Variants in GREB1L observed in about 807,000 individuals in gnomAD.
The protein encoded by GREB1L is GREB1-like protein.
Under a neutral mutation model 200.8 loss-of-function variants are expected in GREB1L, and 17 were observed. The observed-to-expected ratio is 0.08, with a 90% CI of 0.06 to 0.13. The LOEUF (loss-of-function observed/expected upper bound fraction) is 0.13. Ranked by LOEUF, GREB1L falls within the 10% of genes least tolerant of loss-of-function variation. GREB1L has a pLI of 1.00. For missense variants in GREB1L, 1,657 were observed against 2,367.7 expected (o/e 0.70, Z 6.23); for synonymous variants, 789 against 893.0 (o/e 0.88, Z 2.08).
chr18:21,369,168 T>A (rs1020357490), intron 2 of GREB1L, among the ~76,000 whole-genome samples: 1 of 152,222 alleles, frequency 6.6e-6, no homozygotes, highest in African/African-American at 2.4e-5. Flanking sequence ...TATGCAGATT[T>A]TAATGATTGT....
At chr18:21,272,654 C>T (rs1368854520) in intron 1 of GREB1L, among the ~76,000 whole-genome samples, 1 of 152,200 alleles carries the variant, frequency 6.6e-6, no homozygotes, top group Non-Finnish European at 1.5e-5. Context: ...CAATAAGCAG[C>T]TCACTGCATT....
intron 2 of GREB1L, among the ~76,000 whole-genome samples, chr18:21,370,201 A>G (rs2039822929): frequency 1.3e-5 from 2 of 152,150 alleles, no homozygotes; most frequent in Admixed American, 1.3e-4. Context: ...ATAATTGGAT[A>G]AGACACAAAA....
At chr18:21,520,936 C>G in intron 32 of GREB1L, 113 bp downstream of exon 32, 1 of 850,520 alleles carries the variant, frequency 1.2e-6, no homozygotes, top group South Asian at 1.9e-5. Context: ...TGGCTCAACG[C>G]CTGTAATCTC....
chr18:21,451,120 C>T lies in GREB1L; in HGVS notation c.1818C>T (p.Phe606=), dbSNP rs553230848. 6.4e-7 allele frequency: 1 copy of T among 1,551,678 alleles called. No homozygotes were observed. Among genetic ancestry groups the T allele is most frequent in the South Asian group, 1.2e-5 (1 of 84,048 alleles). The change falls in exon 13 of 33, where the codon TTC becomes TTT. Residue 606 remains phenylalanine, a synonymous_variant. Transcript: ENST00000424526. ...SYELITGKVS[F]LASHFKTTSL... ...AGCTTATCACAGGAAAGGTCAGTTT[C>T]CTGGCATCACATTTCAAAACCACAT...
chr18:21,493,893 A>AAAAAG (rs2036441683), intron 19 of GREB1L, among the ~76,000 whole-genome samples: 1 of 146,736 alleles, frequency 6.8e-6, no homozygotes, highest in Non-Finnish European at 1.5e-5. Flanking sequence ...AAAAAAAAAA[A>AAAAAG]GTCCTCATAC....
chr18:21,282,978 A>G (rs1452800846), intron 1 of GREB1L, among the ~76,000 whole-genome samples: 6 of 152,196 alleles, frequency 3.9e-5, no homozygotes, highest in South Asian at 2.1e-4. Flanking sequence ...CTATTTTTCT[A>G]TGAGCATTTT....
intron 2 of GREB1L, among the ~76,000 whole-genome samples, chr18:21,378,097 A>T (rs1229643060): frequency 2.0e-5 from 3 of 152,176 alleles, no homozygotes; most frequent in Non-Finnish European, 4.4e-5. Flanking sequence ...CTTCTGCCTG[A>T]AGTCAAATTT....
chr18:21,459,279 C>CTTTTTTT (rs746568414), intron 15 of GREB1L, among the ~76,000 whole-genome samples: 12 of 85,918 alleles, frequency 1.4e-4, no homozygotes, highest in East Asian at 3.8e-4. Context: ...TTTTTCTTTA[C>CTTTTTTT]TTTTTTTTTT....
intron 1 of GREB1L, among the ~76,000 whole-genome samples, chr18:21,286,625 C>A (rs566309567): frequency 1.2e-4 from 19 of 152,258 alleles, no homozygotes; most frequent in African/African-American, 3.6e-4. Context: ...CAGCACTTTA[C>A]ATATATAATC....
rs2035550869 is a variant in GREB1L at position 21,473,218 on chromosome 18, G to T, written c.2363+7G>T. On this transcript the variant is annotated splice_region_variant and intron_variant, in intron 16 of 32. Transcript: ENST00000424526. ...CCCATGTGGAACTAACGAGGTGATT[G>T]GTTCAGAGTGAGCAAATGGAGTCTC... 2.0e-6 allele frequency: 3 copies of T among 1,482,126 alleles called. No individual in the cohort carries two copies. Among genetic ancestry groups the T allele is most frequent in the Non-Finnish European group, 1.8e-6 (2 of 1,109,664 alleles). 91.8% of individuals were successfully genotyped at this position (1,482,126 alleles called of 1,614,324 possible). A position where few individuals can be genotyped will look rare whatever the true frequency, so the allele number is the denominator to read the frequency against.
chr18:21,332,535 C>T (rs1183240878), intron 1 of GREB1L, among the ~76,000 whole-genome samples: 2 of 152,068 alleles, frequency 1.3e-5, no homozygotes, highest in East Asian at 3.9e-4. Context: ...AGTGCAGTAG[C>T]ACAATCTTGG....
At chr18:21,333,354 T>C (rs1598666448) in intron 1 of GREB1L, among the ~76,000 whole-genome samples, 1 of 152,276 alleles carries the variant, frequency 6.6e-6, no homozygotes, top group East Asian at 1.9e-4. Context: ...ATCATCAGGG[T>C]AATAGTTTTA....
chr18:21,307,829 C>T (rs1407101703), intron 1 of GREB1L, among the ~76,000 whole-genome samples: 2 of 152,096 alleles, frequency 1.3e-5, no homozygotes, highest in African/African-American at 2.4e-5. Flanking sequence ...TGCCCGTGCC[C>T]CTCGACCTAA....
chr18:21,492,270 C>T (rs1454381962), intron 19 of GREB1L, among the ~76,000 whole-genome samples: 2 of 151,708 alleles, frequency 1.3e-5, no homozygotes, highest in East Asian at 1.9e-4. Flanking sequence ...GGCGTGAACC[C>T]GGGAGGCGGA....
chr18:21,314,714 C>T (rs1350917229), intron 1 of GREB1L, among the ~76,000 whole-genome samples: 1 of 152,208 alleles, frequency 6.6e-6, no homozygotes, highest in Non-Finnish European at 1.5e-5. Context: ...CATCTATGGT[C>T]CGTGTTGCAG....
chr18:21,358,551 G>A (rs1567950323), intron 1 of GREB1L, among the ~76,000 whole-genome samples: 1 of 152,130 alleles, frequency 6.6e-6, no homozygotes, highest in Non-Finnish European at 1.5e-5. Flanking sequence ...TCCTGACCTC[G>A]TGATCCGCCC....
chr18:21,281,438 T>C (rs1431581852), intron 1 of GREB1L, among the ~76,000 whole-genome samples: 1 of 152,234 alleles, frequency 6.6e-6, no homozygotes, highest in African/African-American at 2.4e-5. Context: ...TACTTTTAGT[T>C]GGGTTTTGGT....
At chr18:21,279,654 T>A (rs2038233740) in intron 1 of GREB1L, among the ~76,000 whole-genome samples, 3 of 152,162 alleles carry the variant, frequency 2.0e-5, no homozygotes, top group Non-Finnish European at 4.4e-5. Flanking sequence ...GTGTTCATTT[T>A]AAGAGGTGGG....
chr18:21,401,845 G>A (rs2041330619), intron 6 of GREB1L: 2 of 152,240 alleles, frequency 1.3e-5, no homozygotes, highest in Non-Finnish European at 2.9e-5. Flanking sequence ...GAATCCAGTT[G>A]AAACTTCACA....
Sources: allele counts gnomAD v4.1 joint callset (sites outside exome capture counted in the v4.1 genomes callset), GRCh38; gene constraint gnomAD v4.1.1; transcripts MANE v1.5; gene names NCBI Gene and HGNC (gene_info 2026-07-23, HGNC 2026-07-21).